AGBL4: variants seen among roughly 807,000 people sequenced by gnomAD.
AGBL4 encodes the protein cytosolic carboxypeptidase 6.
AGBL4 carries 58 observed loss-of-function variants against 66.4 expected under a neutral mutation model. The observed-to-expected ratio is 0.87, with a 90% CI of 0.71 to 1.09. The LOEUF is 1.09. AGBL4 is among the 50% of genes least tolerant of loss of function. The pLI is 0.00. For missense variants in AGBL4, 579 were observed against 631.0 expected (o/e 0.92, Z 0.88); for synonymous variants, 234 against 222.9 (o/e 1.05, Z -0.44).
chr1:49,190,281 C>G (rs1030763637), intron 4 of AGBL4, among the ~76,000 whole-genome samples: 2 of 152,196 alleles, frequency 1.3e-5, no homozygotes, highest in African/African-American at 4.8e-5. Flanking sequence ...GCAGGTCTCA[C>G]AAAATAATCT....
intron 1 of AGBL4, among the ~76,000 whole-genome samples, chr1:49,870,882 C>T (rs4285748): frequency 0.05 from 7,560 of 152,028 alleles, 300 homozygotes; most frequent in East Asian, 0.15. Flanking sequence ...AATATTGGAA[C>T]CTTTGTGCAT....
At chr1:49,100,211 A>C (rs1645176047) in intron 4 of AGBL4, among the ~76,000 whole-genome samples, 1 of 152,190 alleles carries the variant, frequency 6.6e-6, no homozygotes, top group Non-Finnish European at 1.5e-5. Flanking sequence ...TACCCTTGTT[A>C]CACCCTTAGG....
chr1:48,717,950 C>G (rs1329771292), intron 6 of AGBL4, among the ~76,000 whole-genome samples: 3 of 152,120 alleles, frequency 2.0e-5, no homozygotes, highest in Non-Finnish European at 4.4e-5. Context: ...GAATTATTTG[C>G]TGTAGCTTCT....
At chr1:49,398,748 C>T (rs1256159778) in intron 3 of AGBL4, among the ~76,000 whole-genome samples, 1 of 152,094 alleles carries the variant, frequency 6.6e-6, no homozygotes, top group Non-Finnish European at 1.5e-5. Context: ...TTTTGGGTTA[C>T]ATGAGATATT....
chr1:49,260,335 C>T (rs1388056498), intron 3 of AGBL4, among the ~76,000 whole-genome samples: 60 of 150,248 alleles, frequency 4.0e-4, no homozygotes, highest in African/African-American at 1.4e-3. Flanking sequence ...AATAGAGACA[C>T]AAAAAACCCT....
At chr1:49,324,316 T>C (rs1645186592) in intron 3 of AGBL4, among the ~76,000 whole-genome samples, 2 of 152,338 alleles carry the variant, frequency 1.3e-5, no homozygotes, top group South Asian at 4.1e-4. Context: ...GCTCACTGCA[T>C]TGGGTTCAGC....
chr1:49,580,504 T>C (rs1644521867), intron 3 of AGBL4, among the ~76,000 whole-genome samples: 1 of 152,214 alleles, frequency 6.6e-6, no homozygotes, highest in African/African-American at 2.4e-5. Context: ...ATTTTATACT[T>C]CTATGTATTT....
At chr1:50,012,026 G>A (rs1240507966) in intron 1 of AGBL4, among the ~76,000 whole-genome samples, 2 of 152,132 alleles carry the variant, frequency 1.3e-5, no homozygotes, top group Non-Finnish European at 2.9e-5. Context: ...GGGCGCGGTG[G>A]CGGGCGCCTG....
intron 5 of AGBL4, among the ~76,000 whole-genome samples, chr1:49,042,308 A>T (rs966134743): frequency 2.6e-5 from 4 of 152,128 alleles, no homozygotes; most frequent in Non-Finnish European, 4.4e-5. Context: ...AATTATCCCC[A>T]GAAAGGGAAC....
intron 1 of AGBL4, among the ~76,000 whole-genome samples, chr1:49,988,728 G>C (rs1358641845): frequency 6.6e-6 from 1 of 152,078 alleles, no homozygotes; most frequent in East Asian, 1.9e-4. Context: ...AGAATATCTG[G>C]AAAAAACTAT....
chr1:48,912,278 C>A (rs1230798363), intron 5 of AGBL4, among the ~76,000 whole-genome samples: 1 of 152,162 alleles, frequency 6.6e-6, no homozygotes, highest in Non-Finnish European at 1.5e-5. Flanking sequence ...CCAGGAGTGG[C>A]CAGCCTGGAG....
At chr1:49,562,211 CTCTG>C (rs1167869513) in intron 3 of AGBL4, among the ~76,000 whole-genome samples, 3 of 152,036 alleles carry the variant, frequency 2.0e-5, no homozygotes, top group Non-Finnish European at 4.4e-5. Flanking sequence ...GATATTAGCC[CTCTG>C]TCAGATAAGT....
chr1:49,657,534 G>A (rs1170493199), intron 3 of AGBL4, among the ~76,000 whole-genome samples: 1 of 152,150 alleles, frequency 6.6e-6, no homozygotes, highest in African/African-American at 2.4e-5. Flanking sequence ...AACCAAAAAA[G>A]AACCCACATT....
chr1:49,670,970 GA>G (rs1646463842), intron 3 of AGBL4, among the ~76,000 whole-genome samples: 1 of 152,194 alleles, frequency 6.6e-6, no homozygotes, highest in African/African-American at 2.4e-5. Flanking sequence ...ATTCTTCACA[GA>G]ACTAGAAAAA....
intron 3 of AGBL4, among the ~76,000 whole-genome samples, chr1:49,499,772 C>A (rs950494998): frequency 3.3e-5 from 5 of 149,438 alleles, no homozygotes; most frequent in Admixed American, 2.7e-4. Flanking sequence ...ATTTTTTTAT[C>A]CTTGTTTGTT....
intron 6 of AGBL4, among the ~76,000 whole-genome samples, chr1:48,742,069 C>T (rs950197233): frequency 6.6e-6 from 1 of 152,150 alleles, no homozygotes; most frequent in African/African-American, 2.4e-5. Flanking sequence ...TCTATAAGGT[C>T]CTAGGACTGT....
chr1:49,017,471 C>T (rs1370482162), intron 5 of AGBL4, among the ~76,000 whole-genome samples: 1 of 152,130 alleles, frequency 6.6e-6, no homozygotes, highest in African/African-American at 2.4e-5. Flanking sequence ...TCTAACGTGG[C>T]ATAATATCAT....
intron 6 of AGBL4, among the ~76,000 whole-genome samples, chr1:48,853,122 C>G (rs1211105399): frequency 6.6e-6 from 1 of 152,142 alleles, no homozygotes; most frequent in Non-Finnish European, 1.5e-5. Context: ...TGAAGGAAGT[C>G]AATTGCCATG....
chr1:48,740,108 G>A (rs1041925934), intron 6 of AGBL4, among the ~76,000 whole-genome samples: 3 of 152,220 alleles, frequency 2.0e-5, no homozygotes, highest in African/African-American at 7.2e-5. Flanking sequence ...GTTCCTTGGA[G>A]ATGAAAATAT....
Sources: gnomAD v4.1 joint callset for allele counts (sites outside exome capture counted in the v4.1 genomes callset) on GRCh38, gnomAD v4.1.1 for gene constraint, MANE v1.5 for transcripts, NCBI Gene and HGNC (gene_info 2026-07-23, HGNC 2026-07-21) for gene names.